Variants in FAF1 observed in about 807,000 individuals in gnomAD.
FAF1 encodes the protein FAS-associated factor 1.
Under a neutral mutation model 92.5 loss-of-function variants are expected in FAF1, and 25 were observed. The observed-to-expected ratio is 0.27, with a 90% CI of 0.20 to 0.38. The LOEUF is 0.38. Among genes scored for constraint, FAF1 ranks in the 10% least tolerant of loss-of-function variants. The pLI, the probability that FAF1 is intolerant of heterozygous loss-of-function variation, is 1.00. For missense variants in FAF1, 636 were observed against 793.3 expected, an observed-to-expected ratio of 0.80 and a Z score of 2.38; for synonymous variants, 234 against 273.2, an observed-to-expected ratio of 0.86 and a Z score of 1.42.
chr1:50,536,836 A>G (rs1217124242), intron 14 of FAF1, among the ~76,000 whole-genome samples: 2 of 152,224 alleles, frequency 1.3e-5, no homozygotes, highest in African/African-American at 4.8e-5. Context: ...CTAAGGATCA[A>G]TTTCCTTTTC....
intron 18 of FAF1, among the ~76,000 whole-genome samples, chr1:50,467,549 G>A (rs1345553993): frequency 4.6e-5 from 7 of 152,008 alleles, no homozygotes; most frequent in African/African-American, 1.7e-4. Flanking sequence ...TCCTGACCTC[G>A]TGATCTGCCC....
Position 50,542,473 on chromosome 1 carries a change from G to GA in FAF1, c.1269-2746dup, listed in dbSNP as rs550500548. 4.6e-5 allele frequency among the ~76,000 whole-genome samples: 7 copies of GA among 152,220 alleles called. 1 individual carries two copies. The South Asian group carries it at 1.5e-3, about 32-fold the overall frequency. ...AAACATTAGAAGGAAAATAGATGGG[G>GA]AAAAACCAGTCATTTAAAGATAAAA... On this transcript the variant is annotated intron_variant, in intron 13 of 18. Transcript: ENST00000396153.
Position 50,524,892 on chromosome 1 carries a change from A to AT in FAF1, c.1494+10476dup, listed in dbSNP as rs879539454. Among the ~76,000 whole-genome samples, 738 of 147,490 alleles carry AT rather than the reference A, an allele frequency of 5.0e-3. 4 individuals carry two copies. The highest frequency in any genetic ancestry group is 0.012 in the African/African-American group (480 of 40,350). Reference sequence around the variant, plus strand: ...GGCTCTTTTTTTTGGTCCCATATGAATTTTTTTTTTTGAGACAGAATCTTG... The same window carrying AT: ...GGCTCTTTTTTTTGGTCCCATATGAATTTTTTTTTTTTGAGACAGAATCTTG... On this transcript the variant is annotated intron_variant, in intron 15 of 18. Coordinates refer to ENST00000396153, the MANE Select transcript of FAF1 (RefSeq NM_007051.3).
At chr1:50,582,824 C>G (rs1651051794) in intron 11 of FAF1, 125 bp from the exon 12 acceptor site, 2 of 625,944 alleles carry the variant, frequency 3.2e-6, no homozygotes, top group Admixed American at 2.7e-5. Context: ...AACATAAAAA[C>G]ATTTCTTTAA....
intron 1 of FAF1, 50 bp from the exon 2 acceptor site, chr1:50,858,047 G>T: frequency 2.3e-6 from 3 of 1,323,950 alleles, no homozygotes; most frequent in Non-Finnish European, 3.2e-6. Context: ...GAAATAGGGA[G>T]GTAAATCAGA....
At chr1:50,577,267 G>T (rs953554484) in intron 12 of FAF1, among the ~76,000 whole-genome samples, 1 of 152,234 alleles carries the variant, frequency 6.6e-6, no homozygotes, top group African/African-American at 2.4e-5. Context: ...GCTCATGCCT[G>T]TAATCCCAGC....
intron 15 of FAF1, among the ~76,000 whole-genome samples, chr1:50,532,878 C>G (rs1269925538): frequency 6.6e-6 from 1 of 152,204 alleles, no homozygotes; most frequent in Admixed American, 6.5e-5. Flanking sequence ...GTGGTGCAAG[C>G]ATAGCTCACT....
chr1:50,484,996 C>A (rs1431490281), intron 17 of FAF1, among the ~76,000 whole-genome samples: 1 of 150,706 alleles, frequency 6.6e-6, no homozygotes, highest in African/African-American at 2.4e-5. Context: ...AGGAGATATA[C>A]CTAATGTAAA....
At chr1:50,493,387 A>G (rs1472629010) in intron 15 of FAF1, among the ~76,000 whole-genome samples, 2 of 152,150 alleles carry the variant, frequency 1.3e-5, no homozygotes, top group Non-Finnish European at 2.9e-5. Context: ...ATCTTTTCAA[A>G]TTTAGATATC....
At chr1:50,474,856 G>C (rs183880005) in intron 18 of FAF1, among the ~76,000 whole-genome samples, 1 of 152,184 alleles carries the variant, frequency 6.6e-6, no homozygotes, top group Non-Finnish European at 1.5e-5. Context: ...TTCCCTACAA[G>C]GAAATGGTGG....
intron 2 of FAF1, among the ~76,000 whole-genome samples, chr1:50,805,136 GA>G (rs1372594457): frequency 6.6e-6 from 1 of 152,114 alleles, no homozygotes; most frequent in East Asian, 1.9e-4. Flanking sequence ...ATAGAGAACA[GA>G]ATCAGGACAA....
intron 4 of FAF1, among the ~76,000 whole-genome samples, chr1:50,785,372 C>T (rs1661325104): frequency 6.6e-6 from 1 of 151,842 alleles, no homozygotes; most frequent in Non-Finnish European, 1.5e-5. Flanking sequence ...CATGTGTGAA[C>T]CATATATCTA....
chr1:50,955,028 G>C (rs781117396), intron 1 of FAF1, among the ~76,000 whole-genome samples: 1 of 152,168 alleles, frequency 6.6e-6, no homozygotes, highest in Non-Finnish European at 1.5e-5. Flanking sequence ...TTAAGGAGGA[G>C]AAGACTCTAG....
At chr1:50,854,287 G>A (rs1570055557) in intron 2 of FAF1, among the ~76,000 whole-genome samples, 1 of 152,088 alleles carries the variant, frequency 6.6e-6, no homozygotes, top group Non-Finnish European at 1.5e-5. Flanking sequence ...GAAAAAGACA[G>A]CCCTTTGGTA....
chr1:50,532,297 G>A (rs532940951), intron 15 of FAF1, among the ~76,000 whole-genome samples: 11 of 152,232 alleles, frequency 7.2e-5, no homozygotes, highest in African/African-American at 2.6e-4. Flanking sequence ...AGGAATTAAA[G>A]TAAATTTCTT....
intron 1 of FAF1, among the ~76,000 whole-genome samples, chr1:50,954,269 G>A (rs1645246160): frequency 6.6e-6 from 1 of 152,188 alleles, no homozygotes; most frequent in South Asian, 2.1e-4. Flanking sequence ...TTCTCAGAAA[G>A]TCTAAAACAA....
chr1:50,490,491 A>AAGGAAGGAAGG lies in FAF1; in HGVS notation c.1653+96_1653+97insCCTTCCTTCCT, dbSNP rs1357677241. 8.9e-6 allele frequency: 5 copies of AAGGAAGGAAGG among 559,386 alleles called. No individual in the cohort carries two copies. In the African/African-American group the frequency reaches 1.2e-4, roughly 14 times the overall value. 34.7% of individuals were successfully genotyped at this position (559,386 alleles called of 1,614,324 possible). On this transcript the variant is annotated intron_variant, in intron 17 of 18. Transcript: ENST00000396153. Reference sequence around the variant, plus strand: ...GAAAGAAGGAAGGAAGGAAGGAAGGAAAGGAAGGAAGGAAGGAAGGAAGGA... The same window carrying AAGGAAGGAAGG: ...GAAAGAAGGAAGGAAGGAAGGAAGGAAGGAAGGAAGGAAGGAAGGAAGGAAGGAAGGAAGGA...
chr1:50,496,826 T>C (rs1229126651), intron 15 of FAF1, among the ~76,000 whole-genome samples: 6 of 151,206 alleles, frequency 4.0e-5, no homozygotes, highest in African/African-American at 2.4e-5. Flanking sequence ...GAGGAAGAGG[T>C]TGCAGTGAGC....
chr1:50,463,862 C>G (rs1057120751), intron 18 of FAF1, among the ~76,000 whole-genome samples: 6 of 152,216 alleles, frequency 3.9e-5, no homozygotes, highest in Admixed American at 6.5e-5. Context: ...GCAGAAAATT[C>G]TACCAACAAA....
Sources: gnomAD v4.1 joint callset for allele counts (sites outside exome capture counted in the v4.1 genomes callset) on GRCh38, gnomAD v4.1.1 for gene constraint, MANE v1.5 for transcripts, NCBI Gene and HGNC (gene_info 2026-07-23, HGNC 2026-07-21) for gene names.